Variants in ADCY2 observed in about 807,000 individuals in gnomAD.
ADCY2 encodes the protein adenylate cyclase 2, also known as adenylate cyclase type 2.
In ADCY2, 31 loss-of-function variants were observed where a neutral mutation model predicts 125.2. That is an observed-to-expected ratio of 0.25 (90% confidence interval 0.19 to 0.33). The LOEUF (loss-of-function observed/expected upper bound fraction) is 0.33. Ranked by LOEUF, ADCY2 falls within the 10% of genes least tolerant of loss-of-function variation. The probability of loss-of-function intolerance (pLI) is 1.00; values close to 1 mark genes in which losing one functional copy is unlikely to be tolerated. For missense variants in ADCY2, 904 were observed against 1,418.2 expected, an observed-to-expected ratio of 0.64 and a Z score of 5.82; for synonymous variants, 512 against 548.4, an observed-to-expected ratio of 0.93 and a Z score of 0.93.
intron 3 of ADCY2, among the ~76,000 whole-genome samples, chr5:7,608,161 A>AAT (rs1737447095): frequency 1.3e-5 from 2 of 152,240 alleles, no homozygotes; most frequent in Non-Finnish European, 2.9e-5. Flanking sequence ...TATCATGAGG[A>AAT]ATATGACTAT....
intron 21 of ADCY2, among the ~76,000 whole-genome samples, chr5:7,803,431 C>G (rs1378866477): frequency 6.6e-6 from 1 of 152,160 alleles, no homozygotes; most frequent in Non-Finnish European, 1.5e-5. Flanking sequence ...TGAGCCCTGC[C>G]CTCCTGAGCG....
intron 14 of ADCY2, among the ~76,000 whole-genome samples, chr5:7,732,917 T>A (rs1742147605): frequency 6.6e-6 from 1 of 152,214 alleles, no homozygotes; most frequent in Admixed American, 6.5e-5. Context: ...AAATTATTGG[T>A]TGACTCCTCT....
At chr5:7,505,605 T>C (rs1027227943) in intron 2 of ADCY2, among the ~76,000 whole-genome samples, 17 of 152,342 alleles carry the variant, frequency 1.1e-4, no homozygotes, top group African/African-American at 3.1e-4. Flanking sequence ...TAATTCATGT[T>C]CGTAGCTCAC....
chr5:7,512,054 C>T (rs190278603), intron 2 of ADCY2, among the ~76,000 whole-genome samples: 41 of 151,642 alleles, frequency 2.7e-4, no homozygotes, highest in Middle Eastern at 3.4e-3. Context: ...AACCCCATCT[C>T]TACTAAATAT....
At chr5:7,658,337 T>C (rs1739409369) in intron 4 of ADCY2, 1 of 152,340 alleles carries the variant, frequency 6.6e-6, no homozygotes, top group South Asian at 2.1e-4. Context: ...TGCAGATCTT[T>C]GTCATGTTCA....
At chr5:7,553,977 A>G (rs1735427879) in intron 3 of ADCY2, among the ~76,000 whole-genome samples, 1 of 152,186 alleles carries the variant, frequency 6.6e-6, no homozygotes, top group South Asian at 2.1e-4. Context: ...TTACTTTGAA[A>G]ATCCCACTAT....
intron 3 of ADCY2, among the ~76,000 whole-genome samples, chr5:7,543,963 A>G (rs572040739): frequency 3.3e-4 from 47 of 141,752 alleles, no homozygotes; most frequent in African/African-American, 1.2e-3. Context: ...GCAGTGAGCC[A>G]GGATAGCACC....
intron 2 of ADCY2, among the ~76,000 whole-genome samples, chr5:7,503,872 G>T (rs1743696826): frequency 6.6e-6 from 1 of 152,180 alleles, no homozygotes; most frequent in Non-Finnish European, 1.5e-5. Context: ...TAAAAAGAAG[G>T]CAGGGGTGGC....
intron 3 of ADCY2, among the ~76,000 whole-genome samples, chr5:7,619,285 A>G (rs10060793): frequency 0.052 from 7,935 of 152,254 alleles, 662 homozygotes; most frequent in African/African-American, 0.18. Flanking sequence ...TTTGTAGTCT[A>G]TAGGTGCTCT....
At chr5:7,697,412 T>C (rs1740929950) in intron 6 of ADCY2, among the ~76,000 whole-genome samples, 1 of 152,124 alleles carries the variant, frequency 6.6e-6, no homozygotes, top group Admixed American at 6.5e-5. Context: ...CGGGGGGTTA[T>C]TGTCAGCAAA....
At chr5:7,736,062 T>C (rs901515292) in intron 14 of ADCY2, among the ~76,000 whole-genome samples, 1 of 151,930 alleles carries the variant, frequency 6.6e-6, no homozygotes. Flanking sequence ...CTACCAAAAA[T>C]ACAAAAATTG....
At chr5:7,397,735 G>T (rs1242882369) in intron 1 of ADCY2, among the ~76,000 whole-genome samples, 3 of 152,074 alleles carry the variant, frequency 2.0e-5, no homozygotes, top group Admixed American at 6.5e-5. Context: ...CCACTCAATG[G>T]TAGCTGTCTA....
chr5:7,504,779 G>A (rs1225795858), intron 2 of ADCY2, among the ~76,000 whole-genome samples: 1 of 151,658 alleles, frequency 6.6e-6, no homozygotes, highest in Non-Finnish European at 1.5e-5. Context: ...AAAGTGCTGG[G>A]ACTACATGTG....
chr5:7,425,338 C>T (rs984900922), intron 2 of ADCY2, among the ~76,000 whole-genome samples: 1 of 152,190 alleles, frequency 6.6e-6, no homozygotes, highest in African/African-American at 2.4e-5. Context: ...GCATCATCTC[C>T]CTTGTGTTTG....
chr5:7,441,716 G>A (rs7733194), intron 2 of ADCY2, among the ~76,000 whole-genome samples: 18,459 of 152,066 alleles, frequency 0.12, 1,735 homozygotes, highest in African/African-American at 0.26. Flanking sequence ...TTAAACACAC[G>A]TCTAGGTGTT....
At chr5:7,719,949 G>A (rs184297756) in intron 12 of ADCY2, among the ~76,000 whole-genome samples, 3 of 152,150 alleles carry the variant, frequency 2.0e-5, no homozygotes, top group Admixed American at 1.3e-4. Context: ...AGGTGTGGGT[G>A]TACCCATGCC....
intron 3 of ADCY2, among the ~76,000 whole-genome samples, chr5:7,588,106 A>G (rs1163936438): frequency 6.6e-6 from 1 of 152,214 alleles, no homozygotes; most frequent in Non-Finnish European, 1.5e-5. Context: ...AAAAGTAATT[A>G]GAAGCAATGT....
At chr5:7,692,506 C>T (rs566999531) in intron 5 of ADCY2, among the ~76,000 whole-genome samples, 110 of 152,312 alleles carry the variant, frequency 7.2e-4, no homozygotes, top group African/African-American at 2.6e-3. Flanking sequence ...ATTTAAAATA[C>T]TGGCTTGCCT....
At position 7,820,437 on chromosome 5, in the gene ADCY2, T is replaced by G. The variant is rs326163; in HGVS notation, c.2999-128T>G. ...TGAGCCTGGGAGGTGAAGGTTGCAG[T>G]CAGCCAAGATTGCGCCACTGCACTC... On this transcript the variant is annotated intron_variant, in intron 23 of 24. Coordinates refer to ENST00000338316, the MANE Select transcript of ADCY2 (RefSeq NM_020546.3). 4,454 of 1,211,594 alleles carry G rather than the reference T, an allele frequency of 3.7e-3. 134 individuals carry two copies. In the African/African-American group the frequency reaches 0.06, roughly 16 times the overall value. The allele number at this position is 1,211,594 out of a possible 1,614,324, so 75.1% of individuals were successfully genotyped here.
Sources: allele counts gnomAD v4.1 joint callset (sites outside exome capture counted in the v4.1 genomes callset), GRCh38; gene constraint gnomAD v4.1.1; transcripts MANE v1.5; gene names NCBI Gene and HGNC (gene_info 2026-07-23, HGNC 2026-07-21).